Variants in KRT13 observed in about 807,000 individuals in gnomAD.
KRT13 encodes the protein keratin 13.
A neutral mutation model predicts 40.6 loss-of-function variants in KRT13; 27 were observed. The ratio of observed to expected loss-of-function variants is 0.67; its 90% CI spans 0.49 to 0.92. The LOEUF is 0.92. KRT13 is among the 40% of genes least tolerant of loss of function. The pLI is 0.00. For synonymous variants in KRT13, 266 were observed against 240.3 expected, an observed-to-expected ratio of 1.11 and a Z score of -0.99; for missense variants, 605 against 611.5, an observed-to-expected ratio of 0.99 and a Z score of 0.11.
At chr17:41,501,915 ACTGTCTGTCTTTC>A in intron 6 of KRT13, 171 bp from the exon 7 acceptor site, 1 of 1,497,356 alleles carries the variant, frequency 6.7e-7, no homozygotes, top group African/African-American at 1.4e-5. Context: ...GCCCACTGGG[ACTGTCTGTCTTTC>A]CTGTCTGTCT....
intron 2 of KRT13, 45 bp from the exon 3 acceptor site, chr17:41,503,488 T>C: frequency 6.2e-7 from 1 of 1,605,026 alleles, no homozygotes; most frequent in South Asian, 1.1e-5. Context: ...AAGCAAGACA[T>C]AAATGATATG....
chr17:41,503,960 C>G, intron 1 of KRT13: 2 of 511,718 alleles, frequency 3.9e-6, no homozygotes, highest in Non-Finnish European at 7.1e-6. Flanking sequence ...GGGCCACATG[C>G]AGCCCACCGG....
chr17:41,501,132 A>G lies in KRT13; in HGVS notation c.*124T>C, dbSNP rs943750039. 2.9e-6 allele frequency: 2 copies of G among 689,224 alleles called. No individual in the cohort carries two copies. Among genetic ancestry groups the G allele is most frequent in the South Asian group, 1.5e-5 (1 of 65,802 alleles). 42.7% of individuals were successfully genotyped at this position (689,224 alleles called of 1,614,324 possible). A position where few individuals can be genotyped will look rare whatever the true frequency, so the allele number is the denominator to read the frequency against. On this transcript the variant is annotated 3_prime_UTR_variant, in exon 8 of 8. Coordinates refer to ENST00000246635, the MANE Select transcript of KRT13 (RefSeq NM_153490.3). ...CCCACCATCAGGAGAGAGTCAGGAC[A>G]GGGGGTCCTGAGAGCAGAGGGACTG...
chr17:41,503,824 CA>C, intron 1 of KRT13, 99 bp from the exon 2 acceptor site: 2 of 872,686 alleles, frequency 2.3e-6, no homozygotes, highest in East Asian at 4.8e-5. Flanking sequence ...GGCAACACAT[CA>C]AATACGCTAA....
At position 41,501,160 on chromosome 17, in the gene KRT13, C is replaced by T. The variant is rs997203555; in HGVS notation, c.*96G>A. ...GGGTCCTGAGAGCAGAGGGACTGAG[C>T]CTTGGGTCCAGCAGCCCCTCCTCTC... On this transcript the variant is annotated 3_prime_UTR_variant, in exon 8 of 8. Transcript: ENST00000246635. 3.5e-6 allele frequency: 3 copies of T among 862,238 alleles called. No homozygotes were observed. The African/African-American group carries it at 5.1e-5, about 15-fold the overall frequency. 53.4% of individuals were successfully genotyped at this position (862,238 alleles called of 1,614,324 possible).
chr17:41,501,607 A>G, intron 7 of KRT13, 112 bp downstream of exon 7: 3 of 1,523,524 alleles, frequency 2.0e-6, no homozygotes, highest in Non-Finnish European at 2.7e-6. Flanking sequence ...CCCTCCCTAC[A>G]CTGGAGAGCC....
rs750503082 is a variant in KRT13 at position 41,503,637 on chromosome 17, A to C, written c.578+6T>G. 2 of 1,612,762 alleles carry C rather than the reference A, an allele frequency of 1.2e-6. No individual in the cohort carries two copies. The highest frequency in any genetic ancestry group is 2.2e-5 in the East Asian group (1 of 44,852). ...AAGGAGAGGGAGGGGGAAAAAAAAA[A>C]CTCACTTGAGCCTGAAGTCGTCCGC... On this transcript the variant is annotated splice_donor_region_variant and intron_variant, in intron 2 of 7. Coordinates refer to ENST00000246635, the MANE Select transcript of KRT13 (RefSeq NM_153490.3).
rs1904927152 is a variant in KRT13, at chr17:41,503,116, G to A, written c.736-18C>T. 1 of 1,613,904 alleles carries A rather than the reference G, an allele frequency of 6.2e-7. No homozygotes were observed. Among genetic ancestry groups the A allele is most frequent in the African/African-American group, 1.3e-5 (1 of 74,950 alleles). On this transcript the variant is annotated intron_variant, in intron 3 of 7. Transcript: ENST00000246635. The stretch of plus-strand genomic sequence containing the variant: ...TTCATCTCCTGTGGGGATGGGAAAG[G>A]AAGATGTGTGAGGCTACTCATCCTC...
At chr17:41,503,474 G>C (rs1904943688) in intron 2 of KRT13, 31 bp from the exon 3 acceptor site, 1 of 1,611,428 alleles carries the variant, frequency 6.2e-7, no homozygotes, top group African/African-American at 1.3e-5. Context: ...AATGTTTTTT[G>C]AAAAAGCAAG....
At chr17:41,502,338 G>T (rs1904878976) in intron 6 of KRT13, 36 bp downstream of exon 6, 3 of 1,613,428 alleles carry the variant, frequency 1.9e-6, no homozygotes, top group Non-Finnish European at 2.5e-6. Context: ...GGGTCCTGCA[G>T]TCACTATCCT....
chr17:41,504,931 T>C lies in KRT13; in HGVS notation c.495+125A>G, dbSNP rs930086779. On this transcript the variant is annotated intron_variant, in intron 1 of 7. Coordinates refer to ENST00000246635, the MANE Select transcript of KRT13 (RefSeq NM_153490.3). ...GTAGAGACTCTTGGTAGTCAAACAG[T>C]AGGCTTTTCCCCTGCAAGAAGTTTG... 4 of 1,118,888 alleles carry C rather than the reference T, an allele frequency of 3.6e-6. No individual in the cohort carries two copies. In the East Asian group the frequency reaches 7.8e-5, roughly 22 times the overall value. 69.3% of individuals were successfully genotyped at this position (1,118,888 alleles called of 1,614,324 possible). A position where few individuals can be genotyped will look rare whatever the true frequency, so the allele number is the denominator to read the frequency against.
intron 1 of KRT13, 146 bp from the exon 2 acceptor site, chr17:41,503,871 C>A: frequency 2.8e-6 from 2 of 724,198 alleles, no homozygotes; most frequent in Non-Finnish European, 4.9e-6. Context: ...AAGAAATTGG[C>A]AAAAATAAAA....
Position 41,505,586 on chromosome 17 carries a change from G to A in KRT13, c.-36C>T. The A allele has an allele frequency of 6.2e-7, 1 of 1,613,234 alleles. No individual in the cohort carries two copies. Among genetic ancestry groups the A allele is most frequent in the Non-Finnish European group, 8.5e-7 (1 of 1,180,026 alleles). ...GGATTGAGAGCAGGTGCAGATAGAAGCTTGCTTGGCCTGGGCCGAGGACTG... is the reference window on the plus strand; with the variant it reads ...GGATTGAGAGCAGGTGCAGATAGAAACTTGCTTGGCCTGGGCCGAGGACTG... On this transcript the variant is annotated 5_prime_UTR_variant, in exon 1 of 8. Coordinates refer to ENST00000246635, the MANE Select transcript of KRT13 (RefSeq NM_153490.3).
intron 7 of KRT13, 141 bp from the exon 8 acceptor site, chr17:41,501,503 T>C: frequency 9.1e-7 from 1 of 1,099,336 alleles, no homozygotes; most frequent in Non-Finnish European, 1.3e-6. Context: ...CAAAGATGGC[T>C]CTTCCCAAGA....
rs550693344 is a variant in KRT13, at chr17:41,501,281, C to T, written c.1352G>A (p.Arg451His). The change falls in exon 8 of 8, where the codon CGC becomes CAC. Residue 451 changes from arginine (R) to histidine (H), a missense_variant. By Grantham distance (29) the Arg-to-His change is conservative. Transcript: ENST00000246635. ...TTAAGGCCTACGGACATCAGAAGTG[C>T]GGCGACCAGAGGCATTAGAGGTGGT... ...VTTTSNASGR[R>H]TSDVRRP The T allele has an allele frequency of 1.6e-4, 254 of 1,569,832 alleles. 4 individuals are homozygous for T. In the South Asian group the frequency reaches 2.6e-3, roughly 16 times the overall value.
intron 3 of KRT13, 36 bp downstream of exon 3, chr17:41,503,251 T>C (rs530276850): frequency 5.0e-5 from 80 of 1,612,952 alleles, no homozygotes; most frequent in Non-Finnish European, 6.7e-5. Context: ...TCACTGGAGG[T>C]TGTTGAGCCC....
intron 3 of KRT13, 53 bp from the exon 4 acceptor site, chr17:41,503,151 G>T: frequency 6.2e-7 from 1 of 1,608,820 alleles, no homozygotes. Flanking sequence ...CCCTCTCCTT[G>T]GCTCTGAGTG....
chr17:41,505,517 A>G lies in KRT13; in HGVS notation c.34T>C (p.Tyr12His). The change falls in exon 1 of 8, where the codon TAT becomes CAT. Residue 12 changes from tyrosine to histidine, a missense_variant. Physicochemically the swap from Tyr to His is moderately conservative, Grantham distance 83. Coordinates refer to ENST00000246635, the MANE Select transcript of KRT13 (RefSeq NM_153490.3). ...SLRLQSSSAS[Y>H]GGGFGGGSCQ... ...GAGCCACCCCCGAAACCACCTCCAT[A>G]GCTGGCAGAGGAGCTCTGCAGGCGG... 6.2e-7 allele frequency: 1 copy of G among 1,614,234 alleles called. No individual in the cohort carries two copies. Among genetic ancestry groups the G allele is most frequent in the South Asian group, 1.1e-5 (1 of 91,092 alleles).
rs140157860 is a variant in KRT13, at chr17:41,502,804, C to G, written c.906G>C (p.Glu302Asp). Residue 302 changes from glutamate to aspartate, a missense_variant, in exon 5 of 8, where the codon GAG becomes GAC. Coordinates refer to ENST00000246635, the MANE Select transcript of KRT13 (RefSeq NM_153490.3). ...TGTTGGTAGACACCTCCTTGTTCAG[C>G]TCTGCACTCTGAAATGCAAGCAGGA... ...AEEWFHTKSA[E>D]LNKEVSTNTA... is the part of the protein sequence containing the mutation. The G allele has an allele frequency of 5.0e-6, 8 of 1,614,044 alleles. No individual in the cohort carries two copies. Among genetic ancestry groups the G allele is most frequent in the Non-Finnish European group, 5.1e-6 (6 of 1,180,048 alleles).
Sources: allele counts gnomAD v4.1 joint callset, GRCh38; gene constraint gnomAD v4.1.1; transcripts MANE v1.5; gene names NCBI Gene and HGNC (gene_info 2026-07-23, HGNC 2026-07-21).